The following ITCH variants were observed in gnomAD, a reference collection of about 807,000 sequenced individuals.
The protein encoded by ITCH is E3 ubiquitin-protein ligase Itchy homolog.
A neutral mutation model predicts 126.8 loss-of-function variants in ITCH; 28 were observed. That is an observed-to-expected ratio of 0.22 (90% CI 0.16 to 0.30). The LOEUF is 0.30. Among genes scored for constraint, ITCH ranks in the 10% least tolerant of loss-of-function variants. ITCH has a pLI of 1.00. For missense variants in ITCH, 631 were observed against 1,032.4 expected (o/e 0.61, Z 5.33); for synonymous variants, 342 against 340.0 (o/e 1.01, Z -0.06).
intron 13 of ITCH, among the ~76,000 whole-genome samples, chr20:34,457,759 G>T (rs913738973): frequency 1.3e-5 from 2 of 152,060 alleles, no homozygotes; most frequent in Non-Finnish European, 2.9e-5. Context: ...GAAGACCTGC[G>T]TAATGCAGTG....
chr20:34,367,813 C>T (rs1010127249), intron 1 of ITCH, among the ~76,000 whole-genome samples: 4 of 152,102 alleles, frequency 2.6e-5, no homozygotes, highest in Non-Finnish European at 5.9e-5. Context: ...GACTGGTATT[C>T]TCTGGTTTAC....
intron 11 of ITCH, 65 bp downstream of exon 11, chr20:34,445,526 T>C: frequency 9.2e-6 from 14 of 1,517,540 alleles, no homozygotes; most frequent in Non-Finnish European, 1.3e-5. Flanking sequence ...CCAGCATATG[T>C]CATGGAAAGC....
rs999553592 is a variant in ITCH, at chr20:34,380,087, A to G, written c.-22+10617A>G. ...AATTTTTGTATTTTTTAATAGAGACAGGGTTTCACCATGTTGACCAGGATC... is the reference window on the plus strand; with the variant it reads ...AATTTTTGTATTTTTTAATAGAGACGGGGTTTCACCATGTTGACCAGGATC... On this transcript the variant is annotated intron_variant, in intron 2 of 24. Transcript: ENST00000374864. 3.9e-5 allele frequency among the ~76,000 whole-genome samples: 6 copies of G among 152,068 alleles called. No homozygotes were observed. The South Asian group carries it at 1.2e-3, about 32-fold the overall frequency.
chr20:34,491,473 C>T (rs1240520939), intron 22 of ITCH, among the ~76,000 whole-genome samples: 3 of 151,964 alleles, frequency 2.0e-5, no homozygotes, highest in Admixed American at 1.3e-4. Context: ...GAAATAGTGG[C>T]GATGGTTGCA....
intron 16 of ITCH, among the ~76,000 whole-genome samples, chr20:34,472,474 G>A (rs1987742212): frequency 6.6e-6 from 1 of 150,804 alleles, no homozygotes; most frequent in Admixed American, 6.6e-5. Context: ...TAAAATGATT[G>A]TGTTATGTAG....
At chr20:34,506,564 G>A in intron 24 of ITCH, among the ~76,000 whole-genome samples, 1 of 152,206 alleles carries the variant, frequency 6.6e-6, no homozygotes, top group Non-Finnish European at 1.5e-5. Context: ...AACTGTGCAT[G>A]TGAGGGATCT....
At chr20:34,455,973 G>A (rs1256361842) in intron 12 of ITCH, among the ~76,000 whole-genome samples, 1 of 151,478 alleles carries the variant, frequency 6.6e-6, no homozygotes, top group African/African-American at 2.4e-5. Context: ...AGATATTTAG[G>A]ATTTTGGAAC....
chr20:34,440,244 T>C lies in ITCH; in HGVS notation c.769T>C (p.Ser257Pro), dbSNP rs1158381249. The C allele has an allele frequency of 6.2e-7, 1 of 1,613,212 alleles. No individual in the cohort carries two copies. ...LPPTNTNTNT[S>P]EGATSGLIIP... ...GCCGACAAATACAAATACAAATACA[T>C]CTGAAGGAGCAACATCTGGATTAAT... The change falls in exon 9 of 25, where the codon TCT (serine) becomes CCT (proline). Residue 257 changes from serine (S) to proline (P), a missense_variant. By Grantham distance (74) the Ser-to-Pro change is moderately conservative (BLOSUM62 -1). Transcript: ENST00000374864.
intron 13 of ITCH, among the ~76,000 whole-genome samples, chr20:34,460,851 C>T (rs78615738): frequency 0.014 from 2,124 of 152,104 alleles, 26 homozygotes; most frequent in Non-Finnish European, 0.023. Flanking sequence ...TGAGACCAGT[C>T]TCTACATAAA....
chr20:34,477,913 T>C, intron 17 of ITCH, 53 bp downstream of exon 17: 1 of 1,606,346 alleles, frequency 6.2e-7, no homozygotes, highest in Admixed American at 1.7e-5. Flanking sequence ...AAAGGTACCA[T>C]TGCACTTCGC....
chr20:34,402,639 G>C, intron 3 of ITCH: 1 of 584,178 alleles, frequency 1.7e-6, no homozygotes, highest in Non-Finnish European at 3.2e-6. Flanking sequence ...ATGGAAATTT[G>C]TTGTGTTGTT....
Position 34,408,854 on chromosome 20 carries a change from TA to T in ITCH, c.212+69del, listed in dbSNP as rs1010071517. On this transcript the variant is annotated intron_variant, in intron 4 of 24. Coordinates refer to ENST00000374864, the MANE Select transcript of ITCH (RefSeq NM_031483.7). ...TTAGTAGATGATTGGAAATACAATT[TA>T]AAAAAATGTTTCTCACTTTGGTTTT... 1.3e-4 allele frequency: 206 copies of T among 1,534,544 alleles called. 1 individual carries two copies. The highest frequency in any genetic ancestry group is 3.4e-4 in the Middle Eastern group (2 of 5,852).
At position 34,445,370 on chromosome 20, in the gene ITCH, T is replaced by C. The variant is rs778268568; in HGVS notation, c.1049T>C (p.Leu350Pro). The change falls in exon 11 of 25, where the codon CTG becomes CCG. Residue 350 changes from leucine (L) to proline (P), a missense_variant. Around this residue, in one of 4 missense-constraint regions of ITCH, gnomAD observed 390 missense variants for 731.6 expected, o/e 0.53. Coordinates refer to ENST00000374864, the MANE Select transcript of ITCH (RefSeq NM_031483.7). ...ACAACAACGTGGCAGAGGCCAACAC[T>C]GGAATCCGTCCGGAACTATGAACAA... is the stretch of plus-strand genomic sequence containing the variant. ...TRTTTWQRPTLESVRNYEQWQ... is the reference protein window; with the variant it reads ...TRTTTWQRPTPESVRNYEQWQ... 7 of 1,613,372 alleles carry C rather than the reference T, an allele frequency of 4.3e-6. No homozygotes were observed. The South Asian group carries it at 7.7e-5, about 18-fold the overall frequency.
At chr20:34,394,803 T>C (rs976421692) in intron 3 of ITCH, among the ~76,000 whole-genome samples, 17 of 152,094 alleles carry the variant, frequency 1.1e-4, no homozygotes, top group African/African-American at 4.1e-4. Context: ...TGGATGATTT[T>C]AGAGGGATGG....
chr20:34,375,293 G>A (rs1256886859), intron 2 of ITCH, among the ~76,000 whole-genome samples: 3 of 151,046 alleles, frequency 2.0e-5, no homozygotes, highest in African/African-American at 7.3e-5. Flanking sequence ...CGCCTGCCTC[G>A]GCCTCCCAAA....
rs1032744002 is a variant in ITCH at position 34,488,844 on chromosome 20, C to G, written c.2094-422C>G. On this transcript the variant is annotated intron_variant, in intron 20 of 24. Coordinates refer to ENST00000374864, the MANE Select transcript of ITCH (RefSeq NM_031483.7). ...CTTGAGGCCAGATATTTAAAACCAGCCTTGGCATCACAGAGAGACACCATC... is the reference window on the plus strand; with the variant it reads ...CTTGAGGCCAGATATTTAAAACCAGGCTTGGCATCACAGAGAGACACCATC... 3.9e-5 allele frequency among the ~76,000 whole-genome samples: 6 copies of G among 152,302 alleles called. No individual in the cohort carries two copies. The East Asian group carries it at 1.2e-3, about 29-fold the overall frequency.
chr20:34,422,607 G>A (rs1230543413), intron 6 of ITCH, among the ~76,000 whole-genome samples: 3 of 151,466 alleles, frequency 2.0e-5, no homozygotes, highest in Admixed American at 6.6e-5. Context: ...TTATTGAGTT[G>A]TATTTTATAC....
At chr20:34,381,765 G>A (rs2038074387) in intron 2 of ITCH, among the ~76,000 whole-genome samples, 1 of 151,654 alleles carries the variant, frequency 6.6e-6, no homozygotes. Context: ...GGGGGAGAAT[G>A]AGGCAGTAGG....
intron 15 of ITCH, among the ~76,000 whole-genome samples, chr20:34,470,546 G>A (rs1987523074): frequency 6.6e-6 from 1 of 151,984 alleles, no homozygotes. Flanking sequence ...ATCTTCAAAT[G>A]TAAGTAAAAG....
Sources: gnomAD v4.1 joint callset for allele counts (sites outside exome capture counted in the v4.1 genomes callset) on GRCh38, gnomAD v4.1.1 for gene constraint, gnomAD v4.1.1 regional missense constraint, MANE v1.5 for transcripts, NCBI Gene and HGNC (gene_info 2026-07-23, HGNC 2026-07-21) for gene names.